The following LAX1 variants were observed in gnomAD, a reference collection of about 807,000 sequenced individuals.
LAX1 encodes the protein lymphocyte transmembrane adaptor 1, also known as lymphocyte transmembrane adapter 1.
Under a neutral mutation model 20.7 loss-of-function variants are expected in LAX1, and 17 were observed. That is an observed-to-expected ratio of 0.82 (90% CI 0.56 to 1.23). The LOEUF (loss-of-function observed/expected upper bound fraction) is 1.23. LAX1 is among the 50% of genes most tolerant of loss of function. The probability of loss-of-function intolerance (pLI) is 0.00; values close to 1 mark genes in which losing one functional copy is unlikely to be tolerated. For missense variants in LAX1, 470 were observed against 487.0 expected, an observed-to-expected ratio of 0.97 and a Z score of 0.33; for synonymous variants, 165 against 181.0, an observed-to-expected ratio of 0.91 and a Z score of 0.71.
rs755603110 is a variant in LAX1, at chr1:203,774,687, C to T, written c.*6C>T. On this transcript the variant is annotated 3_prime_UTR_variant, in exon 5 of 5. Transcript: ENST00000442561. ...AGCTCCTTCCTGATGAATGAAGACCCAGGTACCCAGCCATAAAGCCACATT... is the reference window on the plus strand; with the variant it reads ...AGCTCCTTCCTGATGAATGAAGACCTAGGTACCCAGCCATAAAGCCACATT... 5.0e-6 allele frequency: 8 copies of T among 1,610,300 alleles called. No homozygotes were observed. The highest frequency in any genetic ancestry group is 6.8e-6 in the Non-Finnish European group (8 of 1,178,394).
chr1:203,768,116 G>C (rs933728640), intron 1 of LAX1, among the ~76,000 whole-genome samples: 5 of 152,272 alleles, frequency 3.3e-5, no homozygotes, highest in African/African-American at 1.2e-4. Flanking sequence ...TTCGAGACCA[G>C]CCTGACGAAT....
chr1:203,774,287 A>G lies in LAX1; in HGVS notation c.803A>G (p.Tyr268Cys), dbSNP rs765274979. ...GGTTCTTCTCAGATCTCAAATGACT[A>G]TGTCAACATGACAGGGTTGGATCTC... The part of the protein sequence containing the change: ...GEGSSQISND[Y>C]VNMTGLDLSA... Residue 268 changes from tyrosine to cysteine, a missense_variant, in exon 5 of 5, where the codon TAT (tyrosine) becomes TGT (cysteine). By Grantham distance (194) the Tyr-to-Cys change is radical. Transcript: ENST00000442561. 7.4e-6 allele frequency: 12 copies of G among 1,614,216 alleles called. No individual in the cohort carries two copies. The highest frequency in any genetic ancestry group is 1.1e-5 in the South Asian group (1 of 91,090).
At chr1:203,769,449 G>GAAAGAAAGA (rs1553254229) in intron 1 of LAX1, among the ~76,000 whole-genome samples, 17 of 116,540 alleles carry the variant, frequency 1.5e-4, no homozygotes, top group Admixed American at 4.3e-4. Context: ...AAGAAGGAAA[G>GAAAGAAAGA]AAAGAAAAGA....
chr1:203,766,237 G>T (rs762744693), intron 1 of LAX1, among the ~76,000 whole-genome samples: 1 of 152,204 alleles, frequency 6.6e-6, no homozygotes, highest in African/African-American at 2.4e-5. Context: ...AGCACTTTGG[G>T]AGGCCGAGTG....
rs759242546 is a variant in LAX1 at position 203,769,454 on chromosome 1, A to AAAGAAAGG, written c.90-1372_90-1371insGAAAGGAA. Among the ~76,000 whole-genome samples, 639 of 106,460 alleles carry AAAGAAAGG rather than the reference A, an allele frequency of 6.0e-3. 15 individuals are homozygous for AAAGAAAGG. Among genetic ancestry groups the AAAGAAAGG allele is most frequent in the African/African-American group, 0.018 (554 of 31,148 alleles). The allele number at this position is 106,460 out of a possible 152,430, so 69.8% of individuals were successfully genotyped here. On this transcript the variant is annotated intron_variant, in intron 1 of 4. Transcript: ENST00000442561. ...GAAAGAAAGAAAGAAGGAAAGAAAG[A>AAAGAAAGG]AAAGAAAAGAAAGAAAGTTGTATAA...
chr1:203,767,576 G>A (rs1468780535), intron 1 of LAX1, among the ~76,000 whole-genome samples: 1 of 151,920 alleles, frequency 6.6e-6, no homozygotes, highest in Non-Finnish European at 1.5e-5. Context: ...CCAAAGTGCT[G>A]GGATTACAGA....
In LAX1 at chr1:203,773,916, C is replaced by A; in HGVS notation, c.432C>A (p.His144Gln). The change falls in exon 5 of 5, where the codon CAC becomes CAA. Residue 144 changes from histidine to glutamine, a missense_variant. Physicochemically the swap from His to Gln is conservative, Grantham distance 24 (BLOSUM62 0). Coordinates refer to ENST00000442561, the MANE Select transcript of LAX1 (RefSeq NM_017773.4). ...AGNAFQEHTA[H>Q]IHATEYAVGI... Reference sequence around the variant, plus strand: ...ATGCCTTCCAGGAGCATACAGCCCACATCCATGCCACAGAGTACGCGGTGG... The same window carrying A: ...ATGCCTTCCAGGAGCATACAGCCCAAATCCATGCCACAGAGTACGCGGTGG... 1 of 1,613,994 alleles carries A rather than the reference C, an allele frequency of 6.2e-7. No individual in the cohort carries two copies. The highest frequency in any genetic ancestry group is 8.5e-7 in the Non-Finnish European group (1 of 1,179,978).
At chr1:203,770,433 A>AGAGAGAGAGAGAGAGAG (rs1553254324) in intron 1 of LAX1, among the ~76,000 whole-genome samples, 655 of 44,872 alleles carry the variant, frequency 0.015, 155 homozygotes, top group South Asian at 0.034. Context: ...GAAAGAAAGA[A>AGAGAGAGAGAGAGAGAG]AGAGAGAGAG....
At chr1:203,765,755 A>C in intron 1 of LAX1, 101 bp downstream of exon 1, 3 of 1,088,052 alleles carry the variant, frequency 2.8e-6, no homozygotes, top group Non-Finnish European at 4.1e-6. Context: ...GCCACCTCTC[A>C]ACACCCAGGC....
rs551312318 is a variant in LAX1, at chr1:203,767,962, A to T, written c.89+2308A>T. Among the ~76,000 whole-genome samples, 1,226 of 149,522 alleles carry T rather than the reference A, an allele frequency of 8.2e-3. 14 individuals carry two copies. Among genetic ancestry groups the T allele is most frequent in the African/African-American group, 0.029 (1,172 of 40,860 alleles). ...CAACACATGGAGACCCTGTCTCAAAATTTTTTTTTTTTAAATAAAAAAATG... is the reference window on the plus strand; with the variant it reads ...CAACACATGGAGACCCTGTCTCAAATTTTTTTTTTTTTAAATAAAAAAATG... On this transcript the variant is annotated intron_variant, in intron 1 of 4. Transcript: ENST00000442561.
At chr1:203,766,794 AAT>A (rs1387566594) in intron 1 of LAX1, among the ~76,000 whole-genome samples, 2 of 152,234 alleles carry the variant, frequency 1.3e-5, no homozygotes, top group Admixed American at 1.3e-4. Context: ...AATTTTCAAG[AAT>A]ATGACACATT....
At chr1:203,768,936 G>C (rs1434018305) in intron 1 of LAX1, among the ~76,000 whole-genome samples, 2 of 152,074 alleles carry the variant, frequency 1.3e-5, no homozygotes, top group Non-Finnish European at 1.5e-5. Context: ...CTGGAAGTGG[G>C]GCATGAAAGA....
intron 1 of LAX1, among the ~76,000 whole-genome samples, chr1:203,768,661 C>G (rs1667343391): frequency 6.6e-6 from 1 of 152,188 alleles, no homozygotes. Flanking sequence ...AGACTTTATT[C>G]TAAGTCACTC....
At position 203,774,775 on chromosome 1, in the gene LAX1, T is replaced by C; in HGVS notation, c.*94T>C. 1.0e-6 allele frequency: 1 copy of C among 992,272 alleles called. No individual in the cohort carries two copies. Among genetic ancestry groups the C allele is most frequent in the Non-Finnish European group, 1.5e-6 (1 of 672,060 alleles). 61.5% of individuals were successfully genotyped at this position (992,272 alleles called of 1,614,324 possible). On this transcript the variant is annotated 3_prime_UTR_variant, in exon 5 of 5. Transcript: ENST00000442561. ...TAGTGCAGACCCGTGATCACCTTAG[T>C]GCTTCAGTGGATTCACTGGTTAGAT...
At chr1:203,767,243 T>C (rs1320082916) in intron 1 of LAX1, among the ~76,000 whole-genome samples, 3 of 151,078 alleles carry the variant, frequency 2.0e-5, no homozygotes, top group Non-Finnish European at 4.4e-5. Context: ...TGATATTTTG[T>C]ACCCTTTGAC....
Position 203,765,391 on chromosome 1 carries a change from C to T in LAX1, c.-175C>T. 1 of 1,551,806 alleles carries T rather than the reference C, an allele frequency of 6.4e-7. No individual in the cohort carries two copies. Reference sequence around the variant, plus strand: ...GGCATTAGCCACGTCCAGGTAGAACCAAACCTGTTGCTTTTGTATGTTGGG... The same window carrying T: ...GGCATTAGCCACGTCCAGGTAGAACTAAACCTGTTGCTTTTGTATGTTGGG... On this transcript the variant is annotated 5_prime_UTR_variant, in exon 1 of 5. Transcript: ENST00000442561.
At chr1:203,771,766 GA>G (rs1179625480) in intron 3 of LAX1, among the ~76,000 whole-genome samples, 1 of 152,158 alleles carries the variant, frequency 6.6e-6, no homozygotes, top group Non-Finnish European at 1.5e-5. Flanking sequence ...CACCAAGGAA[GA>G]GAACTCGGTG....
Position 203,765,461 on chromosome 1 carries a change from T to C in LAX1, c.-105T>C. The C allele has an allele frequency of 6.4e-7, 1 of 1,564,050 alleles. No individual in the cohort carries two copies. Among genetic ancestry groups the C allele is most frequent in the Non-Finnish European group, 8.7e-7 (1 of 1,152,370 alleles). On this transcript the variant is annotated 5_prime_UTR_variant, in exon 1 of 5. Transcript: ENST00000442561. ...CAGAGGTAGACACGAGATAGGGAGTTTGTTGCGGGGGTGGGGAGAAGTGGT... is the reference window on the plus strand; with the variant it reads ...CAGAGGTAGACACGAGATAGGGAGTCTGTTGCGGGGGTGGGGAGAAGTGGT...
At chr1:203,765,739 A>C in intron 1 of LAX1, 85 bp downstream of exon 1, 2 of 1,266,250 alleles carry the variant, frequency 1.6e-6, no homozygotes, top group Non-Finnish European at 2.3e-6. Context: ...CTTACACAGC[A>C]GTGCTGCCAC....
Sources: allele counts gnomAD v4.1 joint callset (sites outside exome capture counted in the v4.1 genomes callset), GRCh38; gene constraint gnomAD v4.1.1; transcripts MANE v1.5; gene names NCBI Gene and HGNC (gene_info 2026-07-23, HGNC 2026-07-21).